The following NCOA1 variants were observed in gnomAD, a reference collection of about 807,000 sequenced individuals.
NCOA1 encodes Hin-2 protein.
NCOA1 carries 35 observed loss-of-function variants against 150.9 expected under a neutral mutation model. That is an observed-to-expected ratio of 0.23 (90% CI 0.18 to 0.31). The LOEUF (loss-of-function observed/expected upper bound fraction) is 0.31, where lower values mean the gene tolerates loss of function less well. NCOA1 is among the 10% of genes least tolerant of loss of function. The pLI is 1.00. For synonymous variants in NCOA1, 590 were observed against 630.0 expected (o/e 0.94, Z 0.95); for missense variants, 1,491 against 1,749.3 (o/e 0.85, Z 2.63).
chr2:24,523,180 TTCTC>T (rs1298694133), intron 1 of NCOA1, among the ~76,000 whole-genome samples: 3 of 152,200 alleles, frequency 2.0e-5, no homozygotes, highest in Non-Finnish European at 4.4e-5. Flanking sequence ...CTTGATGTCT[TTCTC>T]TCAGTTGTTT....
intron 14 of NCOA1, among the ~76,000 whole-genome samples, chr2:24,719,214 A>T (rs1553311686): frequency 6.6e-6 from 1 of 150,934 alleles, no homozygotes; most frequent in Non-Finnish European, 1.5e-5. Context: ...ATATATTCAG[A>T]TTTTTTTTAA....
chr2:24,727,028 C>T (rs1674662523), intron 15 of NCOA1, among the ~76,000 whole-genome samples: 1 of 150,456 alleles, frequency 6.6e-6, no homozygotes, highest in Admixed American at 6.7e-5. Context: ...ATCCCAGCTA[C>T]TCAGGAGGCT....
chr2:24,764,370 T>G (rs1664943927), intron 22 of NCOA1, among the ~76,000 whole-genome samples: 1 of 152,236 alleles, frequency 6.6e-6, no homozygotes, highest in African/African-American at 2.4e-5. Flanking sequence ...AAATTTATGT[T>G]ACAATTAATG....
chr2:24,511,534 A>T (rs1369700851), intron 1 of NCOA1, among the ~76,000 whole-genome samples: 3 of 152,210 alleles, frequency 2.0e-5, no homozygotes, highest in Non-Finnish European at 4.4e-5. Context: ...TTCCTTGAAG[A>T]AATGTCTCTT....
At chr2:24,682,544 T>G (rs538698425) in intron 7 of NCOA1, among the ~76,000 whole-genome samples, 1 of 152,308 alleles carries the variant, frequency 6.6e-6, no homozygotes, top group East Asian at 1.9e-4. Flanking sequence ...GTCTGCTGAC[T>G]CGCCTTGTAC....
At position 24,768,477 on chromosome 2, in the gene NCOA1, C is replaced by G. The variant is rs1665177682; in HGVS notation, c.*86C>G. ...TATATTTTTCTGAGATTTTTGATAT[C>G]TCAATCTGCAGCCATTCTTCAGGTC... On this transcript the variant is annotated 3_prime_UTR_variant, in exon 23 of 23. Transcript: ENST00000348332. The G allele has an allele frequency of 4.7e-6, 2 of 429,126 alleles. No individual in the cohort carries two copies. The highest frequency in any genetic ancestry group is 6.6e-6 in the Non-Finnish European group (2 of 304,992). 26.6% of individuals were successfully genotyped at this position (429,126 alleles called of 1,614,324 possible). A position where few individuals can be genotyped will look rare whatever the true frequency, so the allele number is the denominator to read the frequency against.
chr2:24,522,853 A>G (rs1664473091), intron 1 of NCOA1, among the ~76,000 whole-genome samples: 1 of 152,200 alleles, frequency 6.6e-6, no homozygotes, highest in Non-Finnish European at 1.5e-5. Context: ...GAGGTAATAC[A>G]TTTAGATTGC....
intron 3 of NCOA1, among the ~76,000 whole-genome samples, chr2:24,585,436 T>C (rs1177765431): frequency 1.3e-5 from 2 of 152,190 alleles, no homozygotes; most frequent in Admixed American, 6.5e-5. Context: ...TTTTTCTCTT[T>C]TTTTAGTGTA....
intron 3 of NCOA1, among the ~76,000 whole-genome samples, chr2:24,593,109 C>T (rs1339325370): frequency 6.6e-6 from 1 of 152,064 alleles, no homozygotes; most frequent in Non-Finnish European, 1.5e-5. Flanking sequence ...GTTTATTTGT[C>T]AGGATCAAGA....
At chr2:24,530,023 A>G (rs2148161606) in intron 1 of NCOA1, among the ~76,000 whole-genome samples, 1 of 152,290 alleles carries the variant, frequency 6.6e-6, no homozygotes, top group East Asian at 1.9e-4. Flanking sequence ...TAGAAATAGC[A>G]TTTTATTAAA....
chr2:24,536,978 T>G (rs72803294), intron 1 of NCOA1, among the ~76,000 whole-genome samples: 7,845 of 149,726 alleles, frequency 0.052, 286 homozygotes, highest in East Asian at 0.2. Context: ...AAAGGGGAGG[T>G]TGGGAGAGGG....
intron 1 of NCOA1, among the ~76,000 whole-genome samples, chr2:24,494,349 C>G (rs560054397): frequency 6.6e-6 from 1 of 152,260 alleles, no homozygotes; most frequent in Admixed American, 6.5e-5. Context: ...TACCTCTGTT[C>G]CGTACTTTAG....
intron 1 of NCOA1, chr2:24,554,377 T>C (rs1455271227): frequency 6.6e-6 from 1 of 152,200 alleles, no homozygotes; most frequent in Non-Finnish European, 1.5e-5. Flanking sequence ...GTTGTGTTTT[T>C]TGTTTTTTCA....
At chr2:24,658,047 T>C (rs1270889434) in intron 4 of NCOA1, among the ~76,000 whole-genome samples, 1 of 152,222 alleles carries the variant, frequency 6.6e-6, no homozygotes, top group Non-Finnish European at 1.5e-5. Context: ...TTGTGTTCTC[T>C]GGGATCTATA....
At chr2:24,730,866 A>C (rs1048168638) in intron 17 of NCOA1, among the ~76,000 whole-genome samples, 9 of 144,858 alleles carry the variant, frequency 6.2e-5, no homozygotes, top group Admixed American at 4.2e-4. Context: ...TTTCTACTAA[A>C]AGTACAAAAA....
At chr2:24,722,881 T>C (rs1674420518) in intron 14 of NCOA1, among the ~76,000 whole-genome samples, 1 of 149,640 alleles carries the variant, frequency 6.7e-6, no homozygotes, top group Non-Finnish European at 1.5e-5. Context: ...TCCCAGCTAC[T>C]TGGGGAGCTG....
intron 13 of NCOA1, among the ~76,000 whole-genome samples, chr2:24,709,507 TGTTTTTATTTTG>T (rs1474367275): frequency 6.6e-6 from 1 of 152,230 alleles, no homozygotes; most frequent in Non-Finnish European, 1.5e-5. Flanking sequence ...TTTTTTAATG[TGTTTTTATTTTG>T]CTTATTGACT....
At chr2:24,538,567 A>G (rs1318434154) in intron 1 of NCOA1, among the ~76,000 whole-genome samples, 1 of 152,214 alleles carries the variant, frequency 6.6e-6, no homozygotes, top group Non-Finnish European at 1.5e-5. Context: ...ATGTTCTCTT[A>G]AAATCTTTTC....
intron 1 of NCOA1, among the ~76,000 whole-genome samples, chr2:24,536,989 G>A (rs1288480683): frequency 1.3e-5 from 2 of 151,844 alleles, no homozygotes; most frequent in African/African-American, 4.8e-5. Context: ...TGGGAGAGGG[G>A]GCAAAGGGTA....
Sources: allele counts gnomAD v4.1 joint callset (sites outside exome capture counted in the v4.1 genomes callset), GRCh38; gene constraint gnomAD v4.1.1; transcripts MANE v1.5; gene names NCBI Gene and HGNC (gene_info 2026-07-23, HGNC 2026-07-21).